RTTN: variants seen among roughly 807,000 people sequenced by gnomAD.
RTTN encodes rotatin.
In RTTN, 182 loss-of-function variants were observed where a neutral mutation model predicts 269.2. The ratio of observed to expected loss-of-function variants is 0.68; its 90% CI spans 0.60 to 0.76. The LOEUF is 0.76. RTTN is among the 30% of genes least tolerant of loss of function. The pLI, the probability that RTTN is intolerant of heterozygous loss-of-function variation, is 0.00. For missense variants in RTTN, 2,545 were observed against 2,608.6 expected, an observed-to-expected ratio of 0.98 and a Z score of 0.53; for synonymous variants, 1,006 against 963.5, an observed-to-expected ratio of 1.04 and a Z score of -0.82.
Position 70,065,907 on chromosome 18 carries a change from C to G in RTTN, c.4669G>C (p.Gly1557Arg). The G allele has an allele frequency of 6.3e-7, 1 of 1,596,840 alleles. No individual in the cohort carries two copies. Among genetic ancestry groups the G allele is most frequent in the Non-Finnish European group, 8.5e-7 (1 of 1,170,562 alleles). Residue 1557 changes from glycine to arginine, a missense_variant, in exon 35 of 49, where the codon GGG becomes CGG. Gly to Arg is a moderately radical substitution (Grantham distance 125, BLOSUM62 -2). Coordinates refer to ENST00000640769, the MANE Select transcript of RTTN (RefSeq NM_173630.4). ...TSETTVAPSL[G>R]STEFQPLVQS... ...ACAAGTGGCTGAAATTCAGTACTCCCCAATGAAGGTGCCACCTATGAATCA... is the reference window on the plus strand; with the variant it reads ...ACAAGTGGCTGAAATTCAGTACTCCGCAATGAAGGTGCCACCTATGAATCA...
Position 70,193,373 on chromosome 18 carries a change from T to G in RTTN, c.922A>C (p.Ser308Arg). The G allele has an allele frequency of 6.2e-7, 1 of 1,609,484 alleles. No individual in the cohort carries two copies. Among genetic ancestry groups the G allele is most frequent in the Non-Finnish European group, 8.5e-7 (1 of 1,178,090 alleles). ...THHSQNPSPGSSSPRPSVVGR... is the reference protein window; with the variant it reads ...THHSQNPSPGRSSPRPSVVGR... ...ACCACAGAAGGCCGAGGGCTGCTGC[T>G]TCCTGGGGAAGGATTCTGGGAATGA... Residue 308 changes from serine (S) to arginine (R), a missense_variant, in exon 8 of 49, where the codon AGC (serine) becomes CGC (arginine). Physicochemically the swap from Ser to Arg is moderately radical, Grantham distance 110 (BLOSUM62 -1). Coordinates refer to ENST00000640769, the MANE Select transcript of RTTN (RefSeq NM_173630.4).
intron 40 of RTTN, among the ~76,000 whole-genome samples, chr18:70,039,750 A>C (rs1281826655): frequency 1.3e-5 from 2 of 152,194 alleles, no homozygotes; most frequent in East Asian, 3.9e-4. Context: ...TAATAACTAC[A>C]GCAACTTTTT....
At chr18:70,172,208 T>A (rs1181677056) in intron 11 of RTTN, among the ~76,000 whole-genome samples, 1 of 152,184 alleles carries the variant, frequency 6.6e-6, no homozygotes, top group Non-Finnish European at 1.5e-5. Flanking sequence ...TATACATGAG[T>A]ATTCTCCAAA....
At chr18:70,109,205 CT>C (rs2059397868) in intron 28 of RTTN, among the ~76,000 whole-genome samples, 1 of 152,158 alleles carries the variant, frequency 6.6e-6, no homozygotes, top group African/African-American at 2.4e-5. Context: ...GTATCATATA[CT>C]TACTGGTTGA....
chr18:70,193,900 G>A (rs1257295438), intron 7 of RTTN, among the ~76,000 whole-genome samples: 1 of 152,116 alleles, frequency 6.6e-6, no homozygotes, highest in Admixed American at 6.6e-5. Context: ...CTATGACATC[G>A]AAAGCACAAA....
chr18:70,200,522 G>C (rs1397475541), intron 4 of RTTN, among the ~76,000 whole-genome samples: 3 of 152,086 alleles, frequency 2.0e-5, no homozygotes, highest in Non-Finnish European at 4.4e-5. Context: ...TCAGCCATCT[G>C]GCCTCAAAAA....
intron 40 of RTTN, among the ~76,000 whole-genome samples, chr18:70,038,280 A>G (rs567779986): frequency 7.9e-5 from 12 of 152,296 alleles, no homozygotes; most frequent in African/African-American, 2.6e-4. Flanking sequence ...GTAAGCAGGT[A>G]GCGACTGCAG....
In RTTN at chr18:70,044,852, T is replaced by C. The variant is rs140435468; in HGVS notation, c.5541+3119A>G. ...GCATATTTCATCATACTACTCAGAA[T>C]GGCATGCAATTTAAGACGTTAAGTA... On this transcript the variant is annotated intron_variant, in intron 40 of 48. Transcript: ENST00000640769. Among the ~76,000 whole-genome samples the C allele has an allele frequency of 5.3e-3, 805 of 152,334 alleles. 2 individuals are homozygous for C. The highest frequency in any genetic ancestry group is 0.014 in the Middle Eastern group (4 of 294).
At position 70,127,679 on chromosome 18, in the gene RTTN, G is replaced by C. The variant is rs1325182204; in HGVS notation, c.3206C>G (p.Ala1069Gly). 4.3e-6 allele frequency: 7 copies of C among 1,613,218 alleles called. No individual in the cohort carries two copies. The highest frequency in any genetic ancestry group is 5.9e-6 in the Non-Finnish European group (7 of 1,179,630). The stretch of plus-strand genomic sequence containing the variant: ...ATGGAGGCAGTCCTGCAGCCCACTA[G>C]CCATGTGTGTTATCTTCAGAGTGAG... ...DILTLKITHM[A>G]SGLQDCLHSI... Residue 1069 changes from alanine to glycine, a missense_variant, in exon 25 of 49, where the codon GCT becomes GGT. Physicochemically the swap from Ala to Gly is moderately conservative, Grantham distance 60 (BLOSUM62 0). Coordinates refer to ENST00000640769, the MANE Select transcript of RTTN (RefSeq NM_173630.4).
intron 11 of RTTN, among the ~76,000 whole-genome samples, chr18:70,173,339 A>G (rs1331163505): frequency 1.3e-5 from 2 of 151,956 alleles, no homozygotes; most frequent in Non-Finnish European, 2.9e-5. Context: ...CTAAAAATAC[A>G]AAAATTAGCC....
chr18:70,174,530 T>G (rs139781899), intron 11 of RTTN, among the ~76,000 whole-genome samples: 1 of 152,034 alleles, frequency 6.6e-6, no homozygotes, highest in Non-Finnish European at 1.5e-5. Context: ...CATGCGTAAG[T>G]AGCAATTCAG....
intron 14 of RTTN, among the ~76,000 whole-genome samples, chr18:70,155,239 T>C (rs2060643116): frequency 6.6e-6 from 1 of 151,794 alleles, no homozygotes; most frequent in Non-Finnish European, 1.5e-5. Flanking sequence ...AACTGTCAAA[T>C]CCCTAAAGGC....
At chr18:70,176,532 T>C (rs2061305865) in intron 11 of RTTN, 143 bp downstream of exon 11, 4 of 563,786 alleles carry the variant, frequency 7.1e-6, no homozygotes, top group Non-Finnish European at 1.1e-5. Flanking sequence ...TTTCTACATT[T>C]CCCATATAAC....
intron 40 of RTTN, among the ~76,000 whole-genome samples, chr18:70,036,842 T>C (rs1337117265): frequency 6.6e-6 from 1 of 152,164 alleles, no homozygotes; most frequent in African/African-American, 2.4e-5. Context: ...AGGTGAGCAA[T>C]CACAGTACCT....
At chr18:70,086,124 G>A (rs1368623046) in intron 32 of RTTN, among the ~76,000 whole-genome samples, 1 of 152,020 alleles carries the variant, frequency 6.6e-6, no homozygotes, top group Non-Finnish European at 1.5e-5. Context: ...AAAAAAAGAT[G>A]TTAACATCAA....
intron 3 of RTTN, among the ~76,000 whole-genome samples, chr18:70,203,702 T>C (rs2062009756): frequency 6.6e-6 from 1 of 152,126 alleles, no homozygotes; most frequent in South Asian, 2.1e-4. Flanking sequence ...CACAACAAGA[T>C]CATGAGCTAG....
intron 3 of RTTN, 22 bp from the exon 4 acceptor site, chr18:70,202,005 C>T (rs773321243): frequency 8.7e-6 from 12 of 1,378,424 alleles, no homozygotes; most frequent in Admixed American, 3.4e-5. Flanking sequence ...ATAAACATTA[C>T]TGTATTGTCG....
chr18:70,099,170 C>T (rs1185966557), intron 28 of RTTN, among the ~76,000 whole-genome samples: 3 of 152,192 alleles, frequency 2.0e-5, no homozygotes, highest in African/African-American at 7.2e-5. Context: ...AATCACCACA[C>T]TGTCTGCCAC....
At chr18:70,089,630 T>A (rs2058790247) in intron 30 of RTTN, among the ~76,000 whole-genome samples, 1 of 152,118 alleles carries the variant, frequency 6.6e-6, no homozygotes, top group Non-Finnish European at 1.5e-5. Flanking sequence ...AACGTAGACA[T>A]GGGTAATTCT....
Sources: gnomAD v4.1 joint callset for allele counts (sites outside exome capture counted in the v4.1 genomes callset) on GRCh38, gnomAD v4.1.1 for gene constraint, MANE v1.5 for transcripts, NCBI Gene and HGNC (gene_info 2026-07-23, HGNC 2026-07-21) for gene names.